The following LUZP2 variants were observed in gnomAD, a reference collection of about 807,000 sequenced individuals.
LUZP2 encodes leucine zipper protein 2.
Under a neutral mutation model 51.6 loss-of-function variants are expected in LUZP2, and 52 were observed. The observed-to-expected ratio is 1.01, with a 90% confidence interval of 0.81 to 1.27. The LOEUF is 1.27. Ranked by LOEUF, LUZP2 falls within the 50% of genes most tolerant of loss-of-function variation. The probability of loss-of-function intolerance (pLI) is 0.00; values close to 1 mark genes in which losing one functional copy is unlikely to be tolerated. For synonymous variants in LUZP2, 154 were observed against 137.3 expected, an observed-to-expected ratio of 1.12 and a Z score of -0.85; for missense variants, 436 against 395.4, an observed-to-expected ratio of 1.10 and a Z score of -0.87.
intron 7 of LUZP2, among the ~76,000 whole-genome samples, chr11:24,943,498 G>A (rs1275530133): frequency 6.6e-6 from 1 of 152,140 alleles, no homozygotes; most frequent in East Asian, 1.9e-4. Context: ...TTATTTGAGT[G>A]TCAGTCACCT....
intron 1 of LUZP2, among the ~76,000 whole-genome samples, chr11:24,693,475 A>G (rs73437113): frequency 0.013 from 1,954 of 151,956 alleles, 51 homozygotes; most frequent in African/African-American, 0.045. Flanking sequence ...ATTAAAATAA[A>G]TGATTATTCC....
At chr11:24,589,237 C>T (rs1401533697) in intron 1 of LUZP2, among the ~76,000 whole-genome samples, 1 of 152,176 alleles carries the variant, frequency 6.6e-6, no homozygotes, top group Non-Finnish European at 1.5e-5. Flanking sequence ...AGATCTCAGT[C>T]GTGCCAGGTC....
intron 1 of LUZP2, among the ~76,000 whole-genome samples, chr11:24,687,541 G>T (rs898188690): frequency 6.6e-6 from 1 of 152,164 alleles, no homozygotes; most frequent in Non-Finnish European, 1.5e-5. Flanking sequence ...TCACAGAGCC[G>T]CTAAGAAGCG....
At chr11:25,054,786 T>A (rs1858626349) in intron 10 of LUZP2, among the ~76,000 whole-genome samples, 1 of 152,086 alleles carries the variant, frequency 6.6e-6, no homozygotes, top group Non-Finnish European at 1.5e-5. Flanking sequence ...ATGAGATGTT[T>A]TTATACAGGT....
chr11:24,638,436 A>G (rs929928830), intron 1 of LUZP2, among the ~76,000 whole-genome samples: 2 of 151,672 alleles, frequency 1.3e-5, no homozygotes, highest in Admixed American at 1.3e-4. Context: ...ATTCTAGGAC[A>G]CTTTAATTAA....
chr11:24,507,194 C>A (rs894444964), intron 1 of LUZP2, among the ~76,000 whole-genome samples: 1 of 151,980 alleles, frequency 6.6e-6, no homozygotes, highest in African/African-American at 2.4e-5. Context: ...TCAGTTCCTA[C>A]CCTAGACATT....
At chr11:24,501,054 AT>A (rs1360299537) in intron 1 of LUZP2, among the ~76,000 whole-genome samples, 1 of 152,150 alleles carries the variant, frequency 6.6e-6, no homozygotes, top group Non-Finnish European at 1.5e-5. Flanking sequence ...CTCTCCTGAA[AT>A]ATTTTGAGGC....
intron 4 of LUZP2, among the ~76,000 whole-genome samples, chr11:24,749,468 G>A (rs979323815): frequency 6.6e-6 from 1 of 152,126 alleles, no homozygotes. Flanking sequence ...GTCTGTGAGG[G>A]TGTTGACAGA....
chr11:24,718,236 G>A (rs1858130596), intron 1 of LUZP2, among the ~76,000 whole-genome samples: 1 of 152,170 alleles, frequency 6.6e-6, no homozygotes, highest in South Asian at 2.1e-4. Context: ...TAATCTCAGA[G>A]TGGTTGTTAA....
intron 5 of LUZP2, among the ~76,000 whole-genome samples, chr11:24,904,469 G>C (rs1853380736): frequency 6.6e-6 from 1 of 152,010 alleles, no homozygotes; most frequent in Non-Finnish European, 1.5e-5. Context: ...ATTTTTAGTA[G>C]AGACGGGGTT....
At chr11:24,691,501 C>T (rs1857065300) in intron 1 of LUZP2, among the ~76,000 whole-genome samples, 1 of 150,108 alleles carries the variant, frequency 6.7e-6, no homozygotes, top group South Asian at 2.1e-4. Flanking sequence ...AAAGTAACCC[C>T]TGTATTTCAA....
In LUZP2 at chr11:24,960,996, C is replaced by T. The variant is rs373056302; in HGVS notation, c.523-15595C>T. Among the ~76,000 whole-genome samples the T allele has an allele frequency of 6.6e-5, 10 of 152,102 alleles. No homozygotes were observed. In the East Asian group the frequency reaches 9.7e-4, roughly 15 times the overall value. ...AACATCTTTATTTCTGCCTTCATTT[C>T]GTTATGTACCCAGTAGTCATTCAGG... On this transcript the variant is annotated intron_variant, in intron 7 of 11. Coordinates refer to ENST00000336930, the MANE Select transcript of LUZP2 (RefSeq NM_001009909.4).
intron 10 of LUZP2, among the ~76,000 whole-genome samples, chr11:25,051,239 C>T (rs1858500278): frequency 6.6e-6 from 1 of 151,988 alleles, no homozygotes; most frequent in Non-Finnish European, 1.5e-5. Flanking sequence ...ATGGCGTGAA[C>T]CCGGGAGATG....
At chr11:24,954,167 A>G (rs976875717) in intron 7 of LUZP2, among the ~76,000 whole-genome samples, 10 of 152,054 alleles carry the variant, frequency 6.6e-5, no homozygotes, top group Non-Finnish European at 1.5e-5. Context: ...AGGGTAACCT[A>G]TAGTTTAACA....
intron 5 of LUZP2, among the ~76,000 whole-genome samples, chr11:24,834,128 G>A (rs1320115049): frequency 2.0e-5 from 3 of 151,778 alleles, no homozygotes; most frequent in East Asian, 3.9e-4. Context: ...TGCAGAATGT[G>A]CAGGTTTTTT....
At chr11:24,973,364 G>GT (rs369095558) in intron 7 of LUZP2, among the ~76,000 whole-genome samples, 9 of 102,988 alleles carry the variant, frequency 8.7e-5, no homozygotes, top group East Asian at 3.9e-4. Flanking sequence ...ATATTTATTA[G>GT]TTTTTTTTTT....
intron 9 of LUZP2, among the ~76,000 whole-genome samples, chr11:24,996,651 G>A (rs2133934883): frequency 7.3e-6 from 1 of 136,986 alleles, no homozygotes; most frequent in Admixed American, 7.4e-5. Context: ...TAAGTTTTAG[G>A]GTGCATGTGC....
intron 1 of LUZP2, among the ~76,000 whole-genome samples, chr11:24,557,911 G>A (rs1242786621): frequency 6.6e-6 from 1 of 151,992 alleles, no homozygotes; most frequent in Non-Finnish European, 1.5e-5. Context: ...AAAACCCAGG[G>A]GATTTGGCAT....
chr11:24,924,835 A>G (rs1303973094), intron 7 of LUZP2, among the ~76,000 whole-genome samples: 1 of 152,196 alleles, frequency 6.6e-6, no homozygotes, highest in African/African-American at 2.4e-5. Context: ...GAGTTTATCT[A>G]AAGACCTGGA....
Sources: allele counts gnomAD v4.1 joint callset (sites outside exome capture counted in the v4.1 genomes callset), GRCh38; gene constraint gnomAD v4.1.1; transcripts MANE v1.5; gene names NCBI Gene and HGNC (gene_info 2026-07-23, HGNC 2026-07-21).